Variants in SSH2 observed in about 807,000 individuals in gnomAD.
SSH2 encodes the protein protein phosphatase Slingshot homolog 2.
A neutral mutation model predicts 135.2 loss-of-function variants in SSH2; 37 were observed. The ratio of observed to expected loss-of-function variants is 0.27; its 90% CI spans 0.21 to 0.36. The LOEUF (loss-of-function observed/expected upper bound fraction) is 0.36, where lower values mean the gene tolerates loss of function less well. SSH2 is among the 10% of genes least tolerant of loss of function. The pLI is 1.00. For synonymous variants in SSH2, 628 were observed against 646.2 expected (o/e 0.97, Z 0.43); for missense variants, 1,408 against 1,765.3 (o/e 0.80, Z 3.63).
intron 4 of SSH2, among the ~76,000 whole-genome samples, chr17:29,696,269 C>T (rs2038736610): frequency 1.3e-5 from 2 of 148,322 alleles, no homozygotes; most frequent in South Asian, 2.1e-4. Context: ...TATATATATA[C>T]ACACACACGT....
Position 29,632,258 on chromosome 17 carries a change from G to A in SSH2, c.2936C>T (p.Ala979Val), listed in dbSNP as rs150076781. ...AGSLSHSEQN[A>V]TVPAPRVLEF... ...CAGCACCCTGGGAGCTGGAACAGTG[G>A]CATTCTGCTCAGAATGGGACAGTGA... Residue 979 changes from alanine (A) to valine (V), a missense_variant, in exon 16 of 16, where the codon GCC becomes GTC. Ala to Val is a moderately conservative substitution (Grantham distance 64, BLOSUM62 0). Transcript: ENST00000540801. The A allele has an allele frequency of 1.5e-4, 242 of 1,613,872 alleles. No individual in the cohort carries two copies. The highest frequency in any genetic ancestry group is 2.0e-4 in the Non-Finnish European group (236 of 1,179,982).
intron 3 of SSH2, among the ~76,000 whole-genome samples, chr17:29,788,280 T>C (rs958477133): frequency 6.6e-6 from 1 of 152,162 alleles, no homozygotes; most frequent in East Asian, 1.9e-4. Context: ...CTCTCCAGTG[T>C]GGGTAGTCCT....
intron 13 of SSH2, 66 bp downstream of exon 13, chr17:29,650,588 G>A: frequency 6.7e-7 from 1 of 1,486,524 alleles, no homozygotes; most frequent in Non-Finnish European, 9.1e-7. Context: ...TAGCCCTCAG[G>A]ACCCAGCCAT....
At chr17:29,864,881 C>T (rs558862667) in intron 1 of SSH2, among the ~76,000 whole-genome samples, 5 of 152,228 alleles carry the variant, frequency 3.3e-5, no homozygotes, top group African/African-American at 9.6e-5. Context: ...CCCTGATCTA[C>T]CAAATAAAAA....
intron 1 of SSH2, among the ~76,000 whole-genome samples, chr17:29,849,478 CA>C (rs36026122): frequency 0.056 from 2,688 of 48,362 alleles, 38 homozygotes; most frequent in African/African-American, 0.17. Context: ...GACTCCGTCT[CA>C]AAAAAAAAAA....
rs576614687 is a variant in SSH2 at position 29,670,736 on chromosome 17, G to A, written c.809+1199C>T. Among the ~76,000 whole-genome samples the A allele has an allele frequency of 5.3e-5, 8 of 152,180 alleles. No individual in the cohort carries two copies. In the South Asian group the frequency reaches 1.5e-3, roughly 28 times the overall value. The stretch of plus-strand genomic sequence containing the variant: ...TTGTAGTAAGCCAAGATCATGCCAC[G>A]GCATTCCAGCCTGGGCGACAGAGTG... On this transcript the variant is annotated intron_variant, in intron 9 of 15. Transcript: ENST00000540801.
intron 3 of SSH2, among the ~76,000 whole-genome samples, chr17:29,747,531 C>A (rs940265308): frequency 6.6e-6 from 1 of 152,214 alleles, no homozygotes; most frequent in African/African-American, 2.4e-5. Context: ...TTACTGGCTA[C>A]ACCCTTTCCA....
chr17:29,743,041 C>G (rs1567938416), intron 3 of SSH2, among the ~76,000 whole-genome samples: 1 of 152,174 alleles, frequency 6.6e-6, no homozygotes, highest in African/African-American at 2.4e-5. Context: ...AAGGGACTCT[C>G]ATGCGTCAGC....
At chr17:29,817,961 G>T (rs984472079) in intron 2 of SSH2, among the ~76,000 whole-genome samples, 1 of 151,884 alleles carries the variant, frequency 6.6e-6, no homozygotes, top group Admixed American at 6.6e-5. Flanking sequence ...GTAGAGACAG[G>T]ATCTTGCTGA....
chr17:29,811,711 G>C (rs912341500), intron 2 of SSH2, among the ~76,000 whole-genome samples: 4 of 152,014 alleles, frequency 2.6e-5, no homozygotes, highest in Non-Finnish European at 5.9e-5. Context: ...TGGGACTACA[G>C]GTGTGCACCA....
At chr17:29,856,556 C>G (rs1027114539) in intron 1 of SSH2, among the ~76,000 whole-genome samples, 1 of 152,168 alleles carries the variant, frequency 6.6e-6, no homozygotes, top group African/African-American at 2.4e-5. Context: ...GCTTGGGCAA[C>G]AGAGTGAGAC....
chr17:29,674,448 G>A (rs752772409), intron 8 of SSH2, among the ~76,000 whole-genome samples: 3 of 152,134 alleles, frequency 2.0e-5, no homozygotes, highest in Non-Finnish European at 4.4e-5. Flanking sequence ...ATGCCACAGA[G>A]TCTGGTGCAA....
At chr17:29,674,646 T>C (rs950941783) in intron 8 of SSH2, among the ~76,000 whole-genome samples, 6 of 152,222 alleles carry the variant, frequency 3.9e-5, no homozygotes, top group Admixed American at 1.3e-4. Flanking sequence ...TCAAGAAAAG[T>C]TTATTTTGCA....
intron 1 of SSH2, among the ~76,000 whole-genome samples, chr17:29,856,839 C>T (rs934679210): frequency 1.3e-5 from 2 of 152,100 alleles, no homozygotes; most frequent in Non-Finnish European, 2.9e-5. Flanking sequence ...CACACTGCAC[C>T]TATTTTTCTG....
chr17:29,626,543 G>A lies in SSH2; in HGVS notation c.*4298C>T, dbSNP rs1249299275. 1 of 152,632 alleles carries A rather than the reference G, an allele frequency of 6.6e-6. No individual in the cohort carries two copies. The highest frequency in any genetic ancestry group is 6.5e-5 in the Admixed American group (1 of 15,280). 9.5% of individuals were successfully genotyped at this position (152,632 alleles called of 1,614,324 possible). A position where few individuals can be genotyped will look rare whatever the true frequency, so the allele number is the denominator to read the frequency against. ...TTCAAGGTGATTAAGGATGATTCCA[G>A]TTTAGAAATCCTATCCTAGACCTCT... On this transcript the variant is annotated 3_prime_UTR_variant, in exon 16 of 16. Transcript: ENST00000540801.
chr17:29,861,362 C>T (rs2065761029), intron 1 of SSH2, among the ~76,000 whole-genome samples: 1 of 152,090 alleles, frequency 6.6e-6, no homozygotes, highest in Non-Finnish European at 1.5e-5. Context: ...TTTTGGGTGT[C>T]CCTCTTCTAC....
rs529413294 is a variant in SSH2, at chr17:29,721,674, T to G, written c.189-18612A>C. ...CTGAAAGGAAGGTGGCTGAAGATAT[T>G]CAATAACAAACTTTCTACCAAAACA... On this transcript the variant is annotated intron_variant, in intron 3 of 15. Coordinates refer to ENST00000540801, the MANE Select transcript of SSH2 (RefSeq NM_001282129.2). Among the ~76,000 whole-genome samples, 16 of 152,314 alleles carry G rather than the reference T, an allele frequency of 1.1e-4. 1 individual carries two copies. The South Asian group carries it at 3.3e-3, about 32-fold the overall frequency.
At chr17:29,868,752 A>C (rs2065895637) in intron 1 of SSH2, among the ~76,000 whole-genome samples, 1 of 151,698 alleles carries the variant, frequency 6.6e-6, no homozygotes, top group Non-Finnish European at 1.5e-5. Context: ...AAAAAAAAAA[A>C]AACTCAGTTC....
intron 1 of SSH2, among the ~76,000 whole-genome samples, chr17:29,886,292 T>G (rs1194160736): frequency 6.6e-6 from 1 of 152,124 alleles, no homozygotes; most frequent in Non-Finnish European, 1.5e-5. Flanking sequence ...ACTTGGGAAC[T>G]GGAGCAAAGG....
Sources: gnomAD v4.1 joint callset for allele counts (sites outside exome capture counted in the v4.1 genomes callset) on GRCh38, gnomAD v4.1.1 for gene constraint, MANE v1.5 for transcripts, NCBI Gene and HGNC (gene_info 2026-07-23, HGNC 2026-07-21) for gene names.